The following SHISA9 variants were observed in gnomAD, a reference collection of about 807,000 sequenced individuals.
SHISA9 encodes the protein protein shisa-9.
Under a neutral mutation model 38.0 loss-of-function variants are expected in SHISA9, and 13 were observed. The observed-to-expected ratio is 0.34, with a 90% CI of 0.22 to 0.54. The LOEUF (loss-of-function observed/expected upper bound fraction) is 0.54. Among genes scored for constraint, SHISA9 ranks in the 20% least tolerant of loss-of-function variants. The pLI, the probability that SHISA9 is intolerant of heterozygous loss-of-function variation, is 0.91. For synonymous variants in SHISA9, 275 were observed against 242.0 expected (o/e 1.14, Z -1.27); for missense variants, 538 against 575.8 (o/e 0.93, Z 0.67).
chr16:13,022,335 A>AT (rs60728108), intron 2 of SHISA9, among the ~76,000 whole-genome samples: 18,239 of 148,276 alleles, frequency 0.12, 1,186 homozygotes, highest in Middle Eastern at 0.18. Context: ...CATTAAAAAA[A>AT]TTTTTTTTTT....
intron 2 of SHISA9, among the ~76,000 whole-genome samples, chr16:12,929,151 G>A (rs183062589): frequency 5.4e-4 from 82 of 152,294 alleles, no homozygotes; most frequent in African/African-American, 1.9e-3. Context: ...AGATGCTGGC[G>A]AGGTTGAGGA....
chr16:13,542,678 G>A, the SHISA9 span, among the ~76,000 whole-genome samples: 1 of 152,164 alleles, frequency 6.6e-6, no homozygotes, highest in African/African-American at 2.4e-5. Flanking sequence ...ATGCACATGT[G>A]TTTCAATCCA....
the SHISA9 span, among the ~76,000 whole-genome samples, chr16:13,278,278 GGT>G: frequency 6.6e-6 from 1 of 152,008 alleles, no homozygotes; most frequent in Non-Finnish European, 1.5e-5. Flanking sequence ...ACTTGATCAT[GGT>G]GGATTATTTT....
chr16:12,996,257 A>C (rs963502284), intron 2 of SHISA9, among the ~76,000 whole-genome samples: 3 of 152,246 alleles, frequency 2.0e-5, no homozygotes, highest in Admixed American at 6.5e-5. Context: ...AAAAACCGAG[A>C]GGCTTTATAT....
chr16:13,276,275 T>TATATA, the SHISA9 span, among the ~76,000 whole-genome samples: 2,483 of 151,750 alleles, frequency 0.016, 75 homozygotes, highest in African/African-American at 0.057. Context: ...TAGTATTCCA[T>TATATA]CATATATATA....
intron 2 of SHISA9, among the ~76,000 whole-genome samples, chr16:12,958,050 C>T (rs975648844): frequency 9.9e-5 from 15 of 152,204 alleles, no homozygotes; most frequent in Admixed American, 3.3e-4. Flanking sequence ...GTTCATAACA[C>T]AGATAAAAGC....
At chr16:13,199,269 G>A (rs2050980917) in intron 2 of SHISA9, among the ~76,000 whole-genome samples, 1 of 152,166 alleles carries the variant, frequency 6.6e-6, no homozygotes, top group Non-Finnish European at 1.5e-5. Context: ...TCCAGGGGTA[G>A]GGGGGCCTAC....
chr16:13,438,085 C>T, the SHISA9 span, among the ~76,000 whole-genome samples: 65 of 152,148 alleles, frequency 4.3e-4, no homozygotes, highest in African/African-American at 1.4e-3. Flanking sequence ...AGGCTGGTCT[C>T]GAACTCCTGA....
the SHISA9 span, among the ~76,000 whole-genome samples, chr16:13,310,388 T>A: frequency 6.6e-6 from 1 of 152,156 alleles, no homozygotes; most frequent in Admixed American, 6.6e-5. Flanking sequence ...ATCACATAGT[T>A]TAAGAAATAA....
At chr16:13,154,288 C>G (rs552644715) in intron 2 of SHISA9, among the ~76,000 whole-genome samples, 3 of 152,144 alleles carry the variant, frequency 2.0e-5, no homozygotes, top group African/African-American at 7.2e-5. Flanking sequence ...GTTCTCCTCC[C>G]AAGCACAAGA....
the SHISA9 span, among the ~76,000 whole-genome samples, chr16:13,270,964 A>G: frequency 2.0e-5 from 3 of 152,310 alleles, no homozygotes; most frequent in East Asian, 1.9e-4. Context: ...AGTTAGCTCT[A>G]TAGCCTGACT....
intron 2 of SHISA9, among the ~76,000 whole-genome samples, chr16:13,073,632 T>C (rs1310981238): frequency 6.6e-6 from 1 of 152,176 alleles, no homozygotes; most frequent in Non-Finnish European, 1.5e-5. Context: ...CCTGTGGCCA[T>C]GACCTTATTT....
rs539898574 is a variant in SHISA9, at chr16:13,174,701, G to A, written c.692-28693G>A. 7.6e-4 allele frequency among the ~76,000 whole-genome samples: 116 copies of A among 152,302 alleles called. 1 individual carries two copies. The South Asian group carries it at 0.023, about 30-fold the overall frequency. On this transcript the variant is annotated intron_variant, in intron 2 of 4. Coordinates refer to ENST00000558583, the MANE Select transcript of SHISA9 (RefSeq NM_001145204.3). ...TCTCACATGGGGTGAGGTGCAGAGG[G>A]AAGACGCTGGTTTTGTAGGAAGATG...
intron 2 of SHISA9, among the ~76,000 whole-genome samples, chr16:13,160,977 T>G (rs534886709): frequency 2.6e-5 from 4 of 152,302 alleles, no homozygotes; most frequent in African/African-American, 9.6e-5. Context: ...TTTTTCTTCC[T>G]AGCCCCATTC....
At chr16:13,463,526 C>T in the SHISA9 span, among the ~76,000 whole-genome samples, 3 of 152,148 alleles carry the variant, frequency 2.0e-5, no homozygotes, top group African/African-American at 7.2e-5. Flanking sequence ...TAAACGTCAC[C>T]TATTGAGAGT....
At chr16:13,378,592 C>A in the SHISA9 span, among the ~76,000 whole-genome samples, 3 of 152,312 alleles carry the variant, frequency 2.0e-5, no homozygotes, top group East Asian at 3.9e-4. Context: ...GAGAGACAGA[C>A]TGTTATTCAT....
the SHISA9 span, among the ~76,000 whole-genome samples, chr16:13,476,865 C>T: frequency 6.6e-6 from 1 of 150,832 alleles, no homozygotes; most frequent in African/African-American, 2.4e-5. Flanking sequence ...TCTCCTGCCT[C>T]AGCCTCCCGA....
At chr16:13,331,145 T>TA in the SHISA9 span, among the ~76,000 whole-genome samples, 1 of 151,994 alleles carries the variant, frequency 6.6e-6, no homozygotes, top group Non-Finnish European at 1.5e-5. Context: ...GGACCAGACA[T>TA]AACAATGGTG....
At chr16:13,471,617 G>C in the SHISA9 span, among the ~76,000 whole-genome samples, 1 of 152,168 alleles carries the variant, frequency 6.6e-6, no homozygotes, top group Admixed American at 6.5e-5. Context: ...GAAGAAAGTA[G>C]ATCAGATCCC....
Sources: gnomAD v4.1 joint callset for allele counts (sites outside exome capture counted in the v4.1 genomes callset) on GRCh38, gnomAD v4.1.1 for gene constraint, MANE v1.5 for transcripts, NCBI Gene and HGNC (gene_info 2026-07-23, HGNC 2026-07-21) for gene names.